Variants in NPEPL1 observed in about 807,000 individuals in gnomAD.
NPEPL1 encodes aminopeptidase like 1, also known as probable aminopeptidase NPEPL1.
Under a neutral mutation model 52.4 loss-of-function variants are expected in NPEPL1, and 45 were observed. The observed-to-expected ratio is 0.86, with a 90% confidence interval of 0.68 to 1.10. The LOEUF (loss-of-function observed/expected upper bound fraction) is 1.10, where lower values mean the gene tolerates loss of function less well. Ranked by LOEUF, NPEPL1 falls within the 50% of genes least tolerant of loss-of-function variation. The probability of loss-of-function intolerance (pLI) is 0.00; values close to 1 mark genes in which losing one functional copy is unlikely to be tolerated. For synonymous variants in NPEPL1, 360 were observed against 314.7 expected (o/e 1.14, Z -1.52); for missense variants, 696 against 710.9 (o/e 0.98, Z 0.24).
At position 58,713,360 on chromosome 20, in the gene NPEPL1, G is replaced by C; in HGVS notation, c.1002-60G>C. On this transcript the variant is annotated intron_variant, in intron 8 of 11. Transcript: ENST00000356091. The surrounding 1 kb of genome is among the most constrained non-coding windows in gnomAD (Gnocchi z 4.6). ...AATGGGGTCTCCCCAGTTTCAAAGG[G>C]GCTCATGCCAGTGTCCCAGGAAATC... 1 of 1,512,506 alleles carries C rather than the reference G, an allele frequency of 6.6e-7. No individual in the cohort carries two copies. Among genetic ancestry groups the C allele is most frequent in the Admixed American group, 2.0e-5 (1 of 48,924 alleles). The allele number at this position is 1,512,506 out of a possible 1,614,324, so 93.7% of individuals were successfully genotyped here.
At chr20:58,690,006 T>G (rs1248404284), upstream of NPEPL1, among the ~76,000 whole-genome samples, 3 of 152,174 alleles carry the variant, frequency 2.0e-5, no homozygotes, top group African/African-American at 7.2e-5. Flanking sequence ...TCTGAGAGCC[T>G]CGTGGCAATC....
In NPEPL1 at chr20:58,707,106, C is replaced by T; in HGVS notation, c.823-17C>T. The T allele has an allele frequency of 1.3e-6, 2 of 1,550,630 alleles. No homozygotes were observed. Among genetic ancestry groups the T allele is most frequent in the Non-Finnish European group, 1.7e-6 (2 of 1,146,872 alleles). On this transcript the variant is annotated splice_polypyrimidine_tract_variant and intron_variant, in intron 6 of 11. Coordinates refer to ENST00000356091, the MANE Select transcript of NPEPL1 (RefSeq NM_024663.4). Reference sequence around the variant, plus strand: ...TCACAGCTCACCTTTGTCCTGGTCCCTTTGTACCACCCGCAGACTACCATG... The same window carrying T: ...TCACAGCTCACCTTTGTCCTGGTCCTTTTGTACCACCCGCAGACTACCATG...
chr20:58,694,425 G>A lies in NPEPL1; in HGVS notation c.340G>A (p.Val114Ile). 6.2e-7 allele frequency: 1 copy of A among 1,608,102 alleles called. No individual in the cohort carries two copies. Among genetic ancestry groups the A allele is most frequent in the Non-Finnish European group, 8.5e-7 (1 of 1,176,886 alleles). The change falls in exon 3 of 12, where the codon GTC (valine) becomes ATC (isoleucine). Residue 114 changes from valine (V) to isoleucine (I), a missense_variant. Physicochemically the swap from Val to Ile is conservative, Grantham distance 29. Transcript: ENST00000356091. ...GCCGTCTCCCTATGTGCCACAGATGGTCTGCGAGCAGCCGGAGGTCTTTGC... is the reference window on the plus strand; with the variant it reads ...GCCGTCTCCCTATGTGCCACAGATGATCTGCGAGCAGCCGGAGGTCTTTGC... The part of the protein sequence containing the change: ...PPGAHRCIVM[V>I]CEQPEVFASA...
intron 11 of NPEPL1, 40 bp from the exon 12 acceptor site, chr20:58,715,127 AG>A (rs1241463576): frequency 1.3e-6 from 2 of 1,563,008 alleles, no homozygotes; most frequent in Non-Finnish European, 1.7e-6. Context: ...CCTGTGCTGC[AG>A]CCCCACGCCC....
intron 6 of NPEPL1, among the ~76,000 whole-genome samples, chr20:58,706,010 G>C (rs1048663882): frequency 1.1e-4 from 16 of 152,124 alleles, no homozygotes; most frequent in African/African-American, 3.9e-4. Flanking sequence ...ATAAGATAAG[G>C]GTTCAAAAAT....
chr20:58,705,926 C>A (rs1479945140), intron 6 of NPEPL1, among the ~76,000 whole-genome samples: 3 of 152,192 alleles, frequency 2.0e-5, no homozygotes, highest in African/African-American at 7.2e-5. Context: ...CAAGATGGGT[C>A]ATTTTCACTC....
In NPEPL1 at chr20:58,713,144, T is replaced by C. The variant is rs1051810374; in HGVS notation, c.1002-276T>C. 1.1e-5 allele frequency: 5 copies of C among 435,426 alleles called. No homozygotes were observed. The highest frequency in any genetic ancestry group is 2.1e-5 in the Non-Finnish European group (5 of 238,484). 27.0% of individuals were successfully genotyped at this position (435,426 alleles called of 1,614,324 possible). A position where few individuals can be genotyped will look rare whatever the true frequency, so the allele number is the denominator to read the frequency against. On this transcript the variant is annotated intron_variant, in intron 8 of 11. Transcript: ENST00000356091. The surrounding 1 kb of genome is among the most constrained non-coding windows in gnomAD (Gnocchi z 4.6). ...CCCAGCCGGTTCATGCCACCCACTTTACAGAAGAAGAAACTGAGGCATGGG... is the reference window on the plus strand; with the variant it reads ...CCCAGCCGGTTCATGCCACCCACTTCACAGAAGAAGAAACTGAGGCATGGG...
intron 5 of NPEPL1, among the ~76,000 whole-genome samples, chr20:58,700,065 A>G (rs2084581899): frequency 2.0e-5 from 3 of 152,224 alleles, no homozygotes; most frequent in Non-Finnish European, 1.5e-5. Context: ...GGCAGGTCTC[A>G]GGGCCTCACA....
At chr20:58,709,384 G>C (rs1310052861) in intron 7 of NPEPL1, among the ~76,000 whole-genome samples, 1 of 152,194 alleles carries the variant, frequency 6.6e-6, no homozygotes, top group East Asian at 1.9e-4. Flanking sequence ...GGTAGGAATA[G>C]ATCACTGAAG....
rs919293158 is a variant in NPEPL1 at position 58,694,937 on chromosome 20, C to T, written c.507+345C>T. 2.2e-3 allele frequency among the ~76,000 whole-genome samples: 259 copies of T among 120,280 alleles called. 5 individuals are homozygous for T. In the East Asian group the frequency reaches 0.027, roughly 12 times the overall value. The allele number at this position is 120,280 out of a possible 152,430, so 78.9% of individuals were successfully genotyped here. On this transcript the variant is annotated intron_variant, in intron 3 of 11. Coordinates refer to ENST00000356091, the MANE Select transcript of NPEPL1 (RefSeq NM_024663.4). Reference sequence around the variant, plus strand: ...ATGCACGTGTGTGTGTATGTGCGTGCACATGTGTGTTGCTGTGCGTGTATG... The same window carrying T: ...ATGCACGTGTGTGTGTATGTGCGTGTACATGTGTGTTGCTGTGCGTGTATG...
At chr20:58,701,182 G>T (rs1452400128) in intron 6 of NPEPL1, 24 bp downstream of exon 6, 2 of 1,495,946 alleles carry the variant, frequency 1.3e-6, no homozygotes, top group Non-Finnish European at 1.8e-6. Flanking sequence ...TGGCTCTCAG[G>T]GTGCCCTGGG....
chr20:58,709,238 G>A (rs1017055486), intron 7 of NPEPL1, among the ~76,000 whole-genome samples: 11 of 151,738 alleles, frequency 7.2e-5, no homozygotes, highest in East Asian at 1.9e-4. Context: ...CACTGTGAAC[G>A]CGAATGTCCT....
rs535099373 is a variant in NPEPL1 at position 58,707,189 on chromosome 20, G to A, written c.889G>A (p.Ala297Thr). 13 of 1,550,776 alleles carry A rather than the reference G, an allele frequency of 8.4e-6. No individual in the cohort carries two copies. In the East Asian group the frequency reaches 2.9e-4, roughly 35 times the overall value. ...AAAVLGAFRAAIKQGFKDNLH... is the reference protein window; with the variant it reads ...AAAVLGAFRATIKQGFKDNLH... Reference sequence around the variant, plus strand: ...GGCCGTCCTGGGGGCCTTCAGAGCCGCAATCAAGCAGGTGAGTGGGCCCTG... The same window carrying A: ...GGCCGTCCTGGGGGCCTTCAGAGCCACAATCAAGCAGGTGAGTGGGCCCTG... Residue 297 changes from alanine to threonine, a missense_variant, in exon 7 of 12, where the codon GCA becomes ACA. Coordinates refer to ENST00000356091, the MANE Select transcript of NPEPL1 (RefSeq NM_024663.4).
chr20:58,715,008 A>G (rs2084925049), intron 11 of NPEPL1, 160 bp from the exon 12 acceptor site: 3 of 813,894 alleles, frequency 3.7e-6, no homozygotes, highest in African/African-American at 1.7e-5. Context: ...TCCAGCCAGC[A>G]GCATGGAAGG....
At chr20:58,712,978 G>A (rs2084883878) in intron 8 of NPEPL1, 5 of 374,244 alleles carry the variant, frequency 1.3e-5, no homozygotes, top group South Asian at 1.1e-4. Flanking sequence ...GCTGGCAGCT[G>A]AGGAGCAAGT....
Position 58,713,239 on chromosome 20 carries a change from C to G in NPEPL1, c.1002-181C>G. On this transcript the variant is annotated intron_variant, in intron 8 of 11. Coordinates refer to ENST00000356091, the MANE Select transcript of NPEPL1 (RefSeq NM_024663.4). This position sits in a 1 kb window ranked among gnomAD's most constrained non-coding sequence, Gnocchi z 4.6. ...GGATGTCACCTGGAAGCCCTTTGCT[C>G]CAGGCACTGCATTGCTGTAGGGACT... 1.4e-6 allele frequency: 1 copy of G among 703,620 alleles called. No individual in the cohort carries two copies. Among genetic ancestry groups the G allele is most frequent in the Non-Finnish European group, 2.3e-6 (1 of 442,286 alleles). The allele number at this position is 703,620 out of a possible 1,614,324, so 43.6% of individuals were successfully genotyped here. A position where few individuals can be genotyped will look rare whatever the true frequency, so the allele number is the denominator to read the frequency against.
intron 3 of NPEPL1, among the ~76,000 whole-genome samples, chr20:58,695,609 G>A (rs74985781): frequency 0.081 from 12,271 of 152,086 alleles, 845 homozygotes; most frequent in African/African-American, 0.19. Context: ...GAAGGCTGTC[G>A]CCTTCACCCA....
intron 6 of NPEPL1, chr20:58,704,175 C>G (rs1006570679): frequency 2.0e-6 from 2 of 985,318 alleles, no homozygotes; most frequent in Non-Finnish European, 2.4e-6. Context: ...GAAACGCAGA[C>G]GCAACGCAGC....
At chr20:58,699,450 G>A (rs547775555) in intron 5 of NPEPL1, among the ~76,000 whole-genome samples, 172 bp downstream of exon 5, 43 of 152,320 alleles carry the variant, frequency 2.8e-4, no homozygotes, top group Middle Eastern at 3.4e-3. Context: ...GGAAGCAGCC[G>A]TCCCTGGGGG....
Sources: gnomAD v4.1 joint callset for allele counts (sites outside exome capture counted in the v4.1 genomes callset) on GRCh38, gnomAD v4.1.1 for gene constraint, Gnocchi (gnomAD v3.1) non-coding constraint, MANE v1.5 for transcripts, NCBI Gene and HGNC (gene_info 2026-07-23, HGNC 2026-07-21) for gene names.